The following NSUN7 variants were observed in gnomAD, a reference collection of about 807,000 sequenced individuals.
The protein encoded by NSUN7 is NOP2/Sun RNA methyltransferase family member 7.
Under a neutral mutation model 58.5 loss-of-function variants are expected in NSUN7, and 39 were observed. The ratio of observed to expected loss-of-function variants is 0.67; its 90% CI spans 0.52 to 0.87. NSUN7 has a LOEUF of 0.87. NSUN7 is among the 40% of genes least tolerant of loss of function. The pLI, the probability that NSUN7 is intolerant of heterozygous loss-of-function variation, is 0.00. For synonymous variants in NSUN7, 278 were observed against 303.7 expected (o/e 0.92, Z 0.88); for missense variants, 765 against 844.1 (o/e 0.91, Z 1.16).
chr4:40,773,998 A>G (rs1742143045), intron 4 of NSUN7, among the ~76,000 whole-genome samples: 1 of 152,102 alleles, frequency 6.6e-6, no homozygotes, highest in Non-Finnish European at 1.5e-5. Flanking sequence ...GGGTTTCCCC[A>G]GGTTGGTCAG....
At chr4:40,760,062 T>C (rs1741375401) in intron 2 of NSUN7, among the ~76,000 whole-genome samples, 1 of 152,050 alleles carries the variant, frequency 6.6e-6, no homozygotes. Flanking sequence ...CCAAAAAAAT[T>C]AGCAAATCAA....
rs1405058336 is a variant in NSUN7 at position 40,790,717 on chromosome 4, A to G, written c.1152A>G (p.Pro384=). The change falls in exon 8 of 12, where the codon CCA becomes CCG. Residue 384 remains proline, a synonymous_variant. Coordinates refer to ENST00000381782, the MANE Select transcript of NSUN7 (RefSeq NM_024677.6). ...GTTCAGGACTGGGTGTTAGTAATCC[A>G]GTAGAATTTATTTTAAATGAACATG... ...PRCSGLGVSN[P]VEFILNEHED... 1.3e-6 allele frequency: 2 copies of G among 1,583,416 alleles called. No homozygotes were observed. The highest frequency in any genetic ancestry group is 2.3e-5 in the East Asian group (1 of 43,808).
intron 9 of NSUN7, among the ~76,000 whole-genome samples, chr4:40,797,968 T>C (rs942954885): frequency 2.0e-5 from 3 of 152,186 alleles, no homozygotes; most frequent in African/African-American, 2.4e-5. Context: ...GGCTGTTCCT[T>C]TACCTTAGAA....
intron 2 of NSUN7, among the ~76,000 whole-genome samples, chr4:40,753,119 A>G (rs1271603598): frequency 1.3e-5 from 2 of 152,300 alleles, no homozygotes; most frequent in Middle Eastern, 3.4e-3. Flanking sequence ...ATTGAGTATT[A>G]CCTTTAGTAC....
At chr4:40,783,942 A>T (rs1742694230) in intron 7 of NSUN7, among the ~76,000 whole-genome samples, 1 of 152,190 alleles carries the variant, frequency 6.6e-6, no homozygotes, top group Non-Finnish European at 1.5e-5. Flanking sequence ...TAAACAACTC[A>T]ACAATAAAAA....
chr4:40,794,318 A>G (rs1472481145), intron 8 of NSUN7, 57 bp from the exon 9 acceptor site: 1 of 899,544 alleles, frequency 1.1e-6, no homozygotes, highest in African/African-American at 1.7e-5. Context: ...GATGATAACA[A>G]TATGTAAAAA....
chr4:40,752,570 G>T (rs1270522974), intron 2 of NSUN7, among the ~76,000 whole-genome samples: 1 of 151,910 alleles, frequency 6.6e-6, no homozygotes, highest in African/African-American at 2.4e-5. Flanking sequence ...ACAGGCGCAC[G>T]CCACCATGCC....
chr4:40,787,380 A>T (rs569785302), intron 7 of NSUN7, among the ~76,000 whole-genome samples: 2 of 151,958 alleles, frequency 1.3e-5, no homozygotes, highest in African/African-American at 4.8e-5. Flanking sequence ...AAAAAAAGAA[A>T]ATATAATTTT....
chr4:40,776,284 G>C, intron 7 of NSUN7, 25 bp downstream of exon 7: 1 of 1,462,506 alleles, frequency 6.8e-7, no homozygotes, highest in Non-Finnish European at 9.3e-7. Flanking sequence ...TTCTTCATTT[G>C]GTGATTATTG....
chr4:40,788,622 G>A (rs986183176), intron 7 of NSUN7, among the ~76,000 whole-genome samples: 12 of 152,202 alleles, frequency 7.9e-5, no homozygotes, highest in African/African-American at 2.7e-4. Flanking sequence ...GACTTTGTAA[G>A]ACTGGAAGAG....
At chr4:40,785,022 T>G (rs973989380) in intron 7 of NSUN7, among the ~76,000 whole-genome samples, 1 of 152,144 alleles carries the variant, frequency 6.6e-6, no homozygotes, top group Middle Eastern at 3.2e-3. Context: ...TTCAAAGGAC[T>G]GAAATCATAC....
chr4:40,758,947 A>T (rs1469726594), intron 2 of NSUN7, among the ~76,000 whole-genome samples: 1 of 152,156 alleles, frequency 6.6e-6, no homozygotes, highest in Admixed American at 6.6e-5. Context: ...CCTTGGTTAT[A>T]GTAGGCTTTC....
At chr4:40,786,225 C>T in intron 7 of NSUN7, 1 of 1,613,998 alleles carries the variant, frequency 6.2e-7, no homozygotes, top group African/African-American at 1.3e-5. Flanking sequence ...CTGTCTTATA[C>T]AGGCTGCAGT....
At chr4:40,752,316 C>G (rs1431902330) in intron 2 of NSUN7, among the ~76,000 whole-genome samples, 1 of 152,222 alleles carries the variant, frequency 6.6e-6, no homozygotes, top group East Asian at 1.9e-4. Flanking sequence ...GTGGCTTACA[C>G]TTGTAATCCC....
chr4:40,774,078 A>C (rs1028610890), intron 4 of NSUN7, among the ~76,000 whole-genome samples, 187 bp from the exon 5 acceptor site: 1 of 152,226 alleles, frequency 6.6e-6, no homozygotes, highest in Non-Finnish European at 1.5e-5. Flanking sequence ...GATTACAGGC[A>C]TGAGCCGCTG....
intron 9 of NSUN7, among the ~76,000 whole-genome samples, chr4:40,794,951 C>T (rs572754015): frequency 1.6e-3 from 242 of 152,274 alleles, no homozygotes; most frequent in African/African-American, 5.6e-3. Flanking sequence ...AGTAACAAGG[C>T]GGCACTTTGA....
rs781494856 is a variant in NSUN7 at position 40,750,756 on chromosome 4, A to G, written c.63A>G (p.Gln21=). 3.7e-6 allele frequency: 6 copies of G among 1,613,540 alleles called. No individual in the cohort carries two copies. The highest frequency in any genetic ancestry group is 3.3e-5 in the Admixed American group (2 of 59,952). ...SNEEDPEIIS[Q]LTSLPLSGGK... ...AAGAAGATCCCGAGATCATCTCCCA[A>G]CTCACTTCCCTGCCTCTGTCCGGTG... Residue 21 remains glutamine (Q), a synonymous_variant, in exon 2 of 12, where the codon CAA becomes CAG. Transcript: ENST00000381782.
chr4:40,773,960 G>A lies in NSUN7; in HGVS notation c.489-305G>A, dbSNP rs183120502. On this transcript the variant is annotated intron_variant, in intron 4 of 11. Coordinates refer to ENST00000381782, the MANE Select transcript of NSUN7 (RefSeq NM_024677.6). ...ATTACAGGCGCCCGCCACCACGCCCGGCTAATTTTGTATTTTTAGTAGAGA... is the reference window on the plus strand; with the variant it reads ...ATTACAGGCGCCCGCCACCACGCCCAGCTAATTTTGTATTTTTAGTAGAGA... 8.5e-3 allele frequency among the ~76,000 whole-genome samples: 1,290 copies of A among 152,000 alleles called. 5 individuals are homozygous for A. The highest frequency in any genetic ancestry group is 0.014 in the Non-Finnish European group (923 of 67,974).
intron 5 of NSUN7, 70 bp from the exon 6 acceptor site, chr4:40,774,697 A>G (rs934373828): frequency 2.1e-6 from 2 of 946,768 alleles, no homozygotes; most frequent in African/African-American, 3.3e-5. Flanking sequence ...TACAGGAAAA[A>G]GGTGTTAGTG....
Sources: gnomAD v4.1 joint callset for allele counts (sites outside exome capture counted in the v4.1 genomes callset) on GRCh38, gnomAD v4.1.1 for gene constraint, MANE v1.5 for transcripts, NCBI Gene and HGNC (gene_info 2026-07-23, HGNC 2026-07-21) for gene names.